Variants in NRCAM observed in about 807,000 individuals in gnomAD.
NRCAM encodes NgCAM-related cell adhesion molecule.
In NRCAM, 83 loss-of-function variants were observed where a neutral mutation model predicts 156.5. The observed-to-expected ratio is 0.53, with a 90% CI of 0.44 to 0.64. The LOEUF (loss-of-function observed/expected upper bound fraction) is 0.64, where lower values mean the gene tolerates loss of function less well. Among genes scored for constraint, NRCAM ranks in the 30% least tolerant of loss-of-function variants. The probability of loss-of-function intolerance (pLI) is 0.00; values close to 1 mark genes in which losing one functional copy is unlikely to be tolerated. For missense variants in NRCAM, 1,417 were observed against 1,597.3 expected, an observed-to-expected ratio of 0.89 and a Z score of 1.92; for synonymous variants, 538 against 563.9, an observed-to-expected ratio of 0.95 and a Z score of 0.65.
intron 2 of NRCAM, among the ~76,000 whole-genome samples, chr7:108,325,470 C>A (rs1215795916): frequency 6.6e-6 from 1 of 151,680 alleles, no homozygotes; most frequent in African/African-American, 2.4e-5. Flanking sequence ...GAGTTCCAAT[C>A]TGTTGCTTCA....
At chr7:108,169,161 T>C (rs16872418) in intron 28 of NRCAM, among the ~76,000 whole-genome samples, 11,756 of 152,244 alleles carry the variant, frequency 0.077, 812 homozygotes, top group African/African-American at 0.19. Flanking sequence ...TGAAAAATCA[T>C]AGTGCAACCT....
At chr7:108,375,350 C>T (rs1254456634) in intron 2 of NRCAM, among the ~76,000 whole-genome samples, 2 of 137,732 alleles carry the variant, frequency 1.5e-5, no homozygotes, top group African/African-American at 5.1e-5. Context: ...TTTTAAAGCC[C>T]TTCAAGGTCT....
At chr7:108,332,702 T>C (rs1407487458) in intron 2 of NRCAM, among the ~76,000 whole-genome samples, 2 of 152,228 alleles carry the variant, frequency 1.3e-5, no homozygotes, top group African/African-American at 2.4e-5. Context: ...ACACTTTATA[T>C]AGCGCCTCTT....
chr7:108,314,766 A>G (rs1202694452), intron 2 of NRCAM, among the ~76,000 whole-genome samples: 1 of 152,198 alleles, frequency 6.6e-6, no homozygotes, highest in Non-Finnish European at 1.5e-5. Flanking sequence ...TTGGTTTTAA[A>G]ATGAGAATTC....
intron 1 of NRCAM, among the ~76,000 whole-genome samples, chr7:108,407,456 T>C (rs1479722072): frequency 1.3e-5 from 2 of 152,238 alleles, no homozygotes; most frequent in Non-Finnish European, 2.9e-5. Flanking sequence ...ATTATTCAAC[T>C]GTGAAGTTCC....
chr7:108,198,838 C>T (rs1008551329), intron 13 of NRCAM, among the ~76,000 whole-genome samples: 15 of 152,186 alleles, frequency 9.9e-5, no homozygotes, highest in African/African-American at 3.6e-4. Context: ...TCAGCTAAAT[C>T]TCTCAAGTAT....
intron 2 of NRCAM, among the ~76,000 whole-genome samples, chr7:108,394,277 G>C (rs2099770708): frequency 6.6e-6 from 1 of 152,176 alleles, no homozygotes. Flanking sequence ...GGAAAGGGCA[G>C]GGGATCTGAG....
chr7:108,303,928 C>T (rs561561811), intron 3 of NRCAM, among the ~76,000 whole-genome samples: 39 of 152,278 alleles, frequency 2.6e-4, no homozygotes, highest in African/African-American at 9.1e-4. Flanking sequence ...AATTACACCA[C>T]ATTGCAATTA....
At chr7:108,387,924 T>G (rs1313929298) in intron 2 of NRCAM, among the ~76,000 whole-genome samples, 7 of 152,194 alleles carry the variant, frequency 4.6e-5, no homozygotes, top group South Asian at 2.1e-4. Flanking sequence ...TTCCATGGTG[T>G]ATATGTGCCA....
At chr7:108,432,244 A>C (rs569062292) in intron 1 of NRCAM, among the ~76,000 whole-genome samples, 6 of 152,380 alleles carry the variant, frequency 3.9e-5, no homozygotes, top group African/African-American at 1.4e-4. Context: ...GAAAAGGTTA[A>C]TGTCATTGAT....
intron 2 of NRCAM, among the ~76,000 whole-genome samples, chr7:108,377,003 A>G (rs1355850037): frequency 6.6e-6 from 1 of 151,720 alleles, no homozygotes; most frequent in African/African-American, 2.4e-5. Context: ...CATCTCTACA[A>G]ATAAATACAA....
At chr7:108,281,540 A>T (rs1432093126) in intron 3 of NRCAM, among the ~76,000 whole-genome samples, 1 of 152,212 alleles carries the variant, frequency 6.6e-6, no homozygotes, top group Non-Finnish European at 1.5e-5. Flanking sequence ...GAAATATGTG[A>T]ATTGGATCTT....
At chr7:108,230,991 A>C in intron 8 of NRCAM, 40 bp downstream of exon 8, 2 of 1,493,128 alleles carry the variant, frequency 1.3e-6, no homozygotes, top group Non-Finnish European at 1.9e-6. Context: ...AACAATCCTA[A>C]GACTTTTAAA....
intron 28 of NRCAM, among the ~76,000 whole-genome samples, chr7:108,172,598 A>G (rs1195214196): frequency 1.3e-5 from 2 of 152,168 alleles, no homozygotes; most frequent in East Asian, 3.9e-4. Flanking sequence ...ACCCAGCCTC[A>G]TTTAAAGAGA....
At chr7:108,430,459 G>A (rs1823589246) in intron 1 of NRCAM, among the ~76,000 whole-genome samples, 1 of 152,150 alleles carries the variant, frequency 6.6e-6, no homozygotes, top group South Asian at 2.1e-4. Flanking sequence ...TGTAGGGTAT[G>A]GAAGAAAGGA....
At chr7:108,170,568 C>T (rs2057863641) in intron 28 of NRCAM, among the ~76,000 whole-genome samples, 1 of 152,268 alleles carries the variant, frequency 6.6e-6, no homozygotes, top group African/African-American at 2.4e-5. Context: ...TCGAGTTGTC[C>T]CTCCTTTCCA....
intron 11 of NRCAM, among the ~76,000 whole-genome samples, chr7:108,215,335 C>T (rs1246567847): frequency 6.6e-6 from 1 of 151,808 alleles, no homozygotes; most frequent in Non-Finnish European, 1.5e-5. Flanking sequence ...GCCTCAGCCT[C>T]CCAAGTAGCT....
At chr7:108,306,545 T>G (rs1356585495) in intron 3 of NRCAM, among the ~76,000 whole-genome samples, 2 of 152,200 alleles carry the variant, frequency 1.3e-5, no homozygotes, top group Non-Finnish European at 2.9e-5. Flanking sequence ...TGCTGAGAAT[T>G]AAAAGGTTAG....
At chr7:108,389,545 A>C (rs1299738636) in intron 2 of NRCAM, among the ~76,000 whole-genome samples, 1 of 152,054 alleles carries the variant, frequency 6.6e-6, no homozygotes, top group Non-Finnish European at 1.5e-5. Flanking sequence ...AATACCCTTT[A>C]TTTCTTTCTC....
Sources: allele counts gnomAD v4.1 joint callset (sites outside exome capture counted in the v4.1 genomes callset), GRCh38; gene constraint gnomAD v4.1.1; transcripts MANE v1.5; gene names NCBI Gene and HGNC (gene_info 2026-07-23, HGNC 2026-07-21).